The following PCDHA3 variants were observed in gnomAD, a reference collection of about 807,000 sequenced individuals.
PCDHA3 encodes protocadherin alpha-3.
Under a neutral mutation model 62.2 loss-of-function variants are expected in PCDHA3, and 41 were observed. The ratio of observed to expected loss-of-function variants is 0.66; its 90% CI spans 0.51 to 0.86. The LOEUF (loss-of-function observed/expected upper bound fraction) is 0.86, where lower values mean the gene tolerates loss of function less well. Ranked by LOEUF, PCDHA3 falls within the 40% of genes least tolerant of loss-of-function variation. The pLI is 0.00. For missense variants in PCDHA3, 1,304 were observed against 1,241.2 expected, an observed-to-expected ratio of 1.05 and a Z score of -0.76; for synonymous variants, 640 against 555.4, an observed-to-expected ratio of 1.15 and a Z score of -2.14.
intron 1 of PCDHA3, chr5:140,884,466 C>G (rs1212644572): frequency 2.5e-6 from 4 of 1,613,646 alleles, no homozygotes; most frequent in Non-Finnish European, 3.4e-6. Flanking sequence ...GGCGCGTGCG[C>G]GCCGGGCAAG....
chr5:140,929,645 C>G (rs1271694172), intron 1 of PCDHA3: 1 of 366,374 alleles, frequency 2.7e-6, no homozygotes, highest in Non-Finnish European at 5.0e-6. Context: ...ATGTGTAAGG[C>G]ACTCTAATAT....
At chr5:140,998,645 A>T (rs1020510258) in intron 3 of PCDHA3, among the ~76,000 whole-genome samples, 12 of 151,600 alleles carry the variant, frequency 7.9e-5, no homozygotes, top group Non-Finnish European at 1.6e-4. Context: ...GCTCACTGCA[A>T]CCTCTGCCTC....
At chr5:140,857,771 G>C in intron 1 of PCDHA3, 3 of 1,597,658 alleles carry the variant, frequency 1.9e-6, no homozygotes, top group Non-Finnish European at 2.6e-6. Flanking sequence ...CGCGGGCGGT[G>C]CAGTCAGTGA....
intron 1 of PCDHA3, among the ~76,000 whole-genome samples, chr5:140,897,430 C>T (rs1297820601): frequency 6.7e-6 from 1 of 148,618 alleles, no homozygotes; most frequent in Non-Finnish European, 1.5e-5. Context: ...TGAGTGAGAA[C>T]ATGCAGTGTT....
intron 1 of PCDHA3, among the ~76,000 whole-genome samples, chr5:140,827,019 A>G (rs139009189): frequency 3.3e-5 from 5 of 152,362 alleles, no homozygotes; most frequent in Admixed American, 3.3e-4. Flanking sequence ...CATTAAAAAT[A>G]TGAATTTAAA....
intron 1 of PCDHA3, chr5:140,813,106 A>G (rs1554126121): frequency 1.3e-5 from 2 of 152,152 alleles, no homozygotes; most frequent in African/African-American, 4.8e-5. Context: ...AGAAGACTGT[A>G]TATTTGCTGC....
chr5:140,923,774 G>T (rs1447078559), intron 1 of PCDHA3, among the ~76,000 whole-genome samples: 1 of 152,202 alleles, frequency 6.6e-6, no homozygotes, highest in Non-Finnish European at 1.5e-5. Flanking sequence ...CTACTGGGTG[G>T]ATGGTTTCTT....
intron 1 of PCDHA3, among the ~76,000 whole-genome samples, chr5:140,895,744 G>T (rs534394379): frequency 6.6e-6 from 1 of 152,182 alleles, no homozygotes; most frequent in Admixed American, 6.5e-5. Flanking sequence ...GCTGCAAAGG[G>T]CATGATCTTT....
chr5:140,856,991 T>A, intron 1 of PCDHA3: 1 of 1,595,770 alleles, frequency 6.3e-7, no homozygotes, highest in Non-Finnish European at 8.6e-7. Flanking sequence ...CAGTAACACT[T>A]ATGAAATTCA....
chr5:140,961,054 T>C (rs1290831214), intron 1 of PCDHA3, among the ~76,000 whole-genome samples: 2 of 152,136 alleles, frequency 1.3e-5, no homozygotes, highest in African/African-American at 4.8e-5. Context: ...AACAAAATGT[T>C]GAATGGGATA....
At chr5:140,830,160 A>T in intron 1 of PCDHA3, 1 of 1,613,422 alleles carries the variant, frequency 6.2e-7, no homozygotes, top group Non-Finnish European at 8.5e-7. Context: ...GCGGGCCCAG[A>T]GGCGGCGCTG....
intron 3 of PCDHA3, among the ~76,000 whole-genome samples, chr5:140,986,736 A>G (rs1056820843): frequency 1.3e-5 from 2 of 152,206 alleles, no homozygotes; most frequent in Non-Finnish European, 2.9e-5. Flanking sequence ...TCAAGACCCC[A>G]GGGGATCTGG....
intron 1 of PCDHA3, among the ~76,000 whole-genome samples, chr5:140,903,450 T>A (rs2070311741): frequency 2.6e-5 from 4 of 152,202 alleles, no homozygotes; most frequent in Admixed American, 1.3e-4. Flanking sequence ...ATTCATCTGA[T>A]CAAACTTAAA....
chr5:140,904,613 T>C (rs1554191625), intron 1 of PCDHA3, among the ~76,000 whole-genome samples: 2 of 152,112 alleles, frequency 1.3e-5, no homozygotes, highest in African/African-American at 2.4e-5. Context: ...ATAGTAGTTT[T>C]ACTTTTAGTT....
intron 1 of PCDHA3, chr5:140,822,619 A>T: frequency 6.2e-7 from 1 of 1,610,996 alleles, no homozygotes; most frequent in Non-Finnish European, 8.5e-7. Flanking sequence ...TTTCTTTAGT[A>T]ATCTTGTTCT....
chr5:140,823,339 C>T (rs2150124822), intron 1 of PCDHA3: 28 of 1,612,236 alleles, frequency 1.7e-5, no homozygotes, highest in African/African-American at 1.5e-4. Context: ...GCTGCAGCCG[C>T]TGGACCACGA....
intron 1 of PCDHA3, among the ~76,000 whole-genome samples, chr5:140,952,031 A>G (rs782611414): frequency 1.6e-4 from 24 of 152,232 alleles, no homozygotes; most frequent in Admixed American, 4.6e-4. Context: ...TCCGAAATCC[A>G]GTAGGGCAGT....
At chr5:140,994,059 A>G (rs2097593470) in intron 3 of PCDHA3, among the ~76,000 whole-genome samples, 5 of 152,174 alleles carry the variant, frequency 3.3e-5, no homozygotes, top group Admixed American at 3.3e-4. Context: ...GCCCTTATAA[A>G]TCTAATGGTG....
intron 1 of PCDHA3, chr5:140,812,311 C>T (rs1554125951): frequency 6.6e-6 from 1 of 151,858 alleles, no homozygotes; most frequent in Non-Finnish European, 1.5e-5. Flanking sequence ...ATTTTAAAAG[C>T]CTCTTATAAT....
Sources: gnomAD v4.1 joint callset for allele counts (sites outside exome capture counted in the v4.1 genomes callset) on GRCh38, gnomAD v4.1.1 for gene constraint, MANE v1.5 for transcripts, NCBI Gene and HGNC (gene_info 2026-07-23, HGNC 2026-07-21) for gene names.